SNX27: variants seen among roughly 807,000 people sequenced by gnomAD.
The protein encoded by SNX27 is sorting nexin-27.
Under a neutral mutation model 71.6 loss-of-function variants are expected in SNX27, and 22 were observed. The ratio of observed to expected loss-of-function variants is 0.31; its 90% CI spans 0.22 to 0.44. SNX27 has a LOEUF of 0.44. SNX27 is among the 20% of genes least tolerant of loss of function. The pLI, the probability that SNX27 is intolerant of heterozygous loss-of-function variation, is 1.00. For synonymous variants in SNX27, 269 were observed against 277.2 expected (o/e 0.97, Z 0.29); for missense variants, 531 against 698.6 (o/e 0.76, Z 2.70).
At chr1:151,641,722 TATATATCAGATAG>T (rs1009128231) in intron 2 of SNX27, among the ~76,000 whole-genome samples, 2 of 140,680 alleles carry the variant, frequency 1.4e-5, no homozygotes, top group Admixed American at 7.5e-5. Flanking sequence ...TAGCATATGA[TATATATCAGATAG>T]ATATATCAGA....
chr1:151,657,313 A>G (rs1455762427), intron 2 of SNX27, among the ~76,000 whole-genome samples: 4 of 152,118 alleles, frequency 2.6e-5, no homozygotes, highest in Non-Finnish European at 5.9e-5. Flanking sequence ...CTACAGGCGC[A>G]TGCCACCATG....
chr1:151,637,033 A>ACTCAGTCAAGACCAATTCTGGTAC (rs1668488263), intron 1 of SNX27, among the ~76,000 whole-genome samples: 1 of 152,116 alleles, frequency 6.6e-6, no homozygotes, highest in African/African-American at 2.4e-5. Context: ...AAGGTTAAAA[A>ACTCAGTCAAGACCAATTCTGGTAC]CTCAGTCAAG....
chr1:151,673,352 C>T (rs1670527709), intron 7 of SNX27, among the ~76,000 whole-genome samples: 1 of 151,944 alleles, frequency 6.6e-6, no homozygotes, highest in African/African-American at 2.4e-5. Flanking sequence ...TCACTATGGT[C>T]AGATACTTGA....
intron 5 of SNX27, among the ~76,000 whole-genome samples, chr1:151,663,152 ATTT>A (rs1280028273): frequency 1.4e-5 from 2 of 140,460 alleles, no homozygotes; most frequent in Non-Finnish European, 1.6e-5. Flanking sequence ...ATCACATTTG[ATTT>A]TTTTTTTTTT....
chr1:151,645,972 T>G, intron 2 of SNX27, among the ~76,000 whole-genome samples: 2 of 152,242 alleles, frequency 1.3e-5, no homozygotes, highest in East Asian at 3.8e-4. Context: ...TATGCACTAC[T>G]TGAAATGGAG....
At chr1:151,634,545 C>A (rs542663354) in intron 1 of SNX27, among the ~76,000 whole-genome samples, 6 of 152,308 alleles carry the variant, frequency 3.9e-5, no homozygotes, top group South Asian at 2.1e-4. Context: ...TTATTTGAAG[C>A]CACTCCCATT....
intron 1 of SNX27, among the ~76,000 whole-genome samples, chr1:151,637,710 G>A (rs1668532299): frequency 6.6e-6 from 1 of 152,162 alleles, no homozygotes; most frequent in African/African-American, 2.4e-5. Flanking sequence ...TCTCCTGACT[G>A]TTCTGTTTAT....
rs1005373695 is a variant in SNX27 at position 151,689,127 on chromosome 1, T to C, written c.1240-3308T>C. On this transcript the variant is annotated intron_variant, in intron 8 of 11. Transcript: ENST00000458013. ...TGATTCAGAGGGGACGGACAGGGCA[T>C]GTATTATGTGCCTGACTGGTCTAGG... Among the ~76,000 whole-genome samples, 11 of 152,308 alleles carry C rather than the reference T, an allele frequency of 7.2e-5. No homozygotes were observed. The South Asian group carries it at 2.1e-3, about 29-fold the overall frequency.
intron 8 of SNX27, among the ~76,000 whole-genome samples, chr1:151,688,764 T>C (rs1414055154): frequency 6.6e-6 from 1 of 151,836 alleles, no homozygotes; most frequent in Non-Finnish European, 1.5e-5. Context: ...GGGAGTTTGG[T>C]GTACAGATTA....
chr1:151,651,207 C>T (rs1158772006), intron 2 of SNX27, among the ~76,000 whole-genome samples: 6 of 150,210 alleles, frequency 4.0e-5, no homozygotes, highest in South Asian at 2.1e-4. Flanking sequence ...ACCTCCCGGG[C>T]GGGGCGGCTG....
At position 151,625,847 on chromosome 1, in the gene SNX27, C is replaced by T. The variant is rs1212374978; in HGVS notation, c.312-13041C>T. ...CCTGTAATCCCTGCTGCTCGGGAGG[C>T]TGAGGCAGGAGAATTGCTTGAGCCT... On this transcript the variant is annotated intron_variant, in intron 1 of 11. Coordinates refer to ENST00000458013, the MANE Select transcript of SNX27 (RefSeq NM_001330723.2). Among the ~76,000 whole-genome samples the T allele has an allele frequency of 2.0e-5, 3 of 150,384 alleles. No individual in the cohort carries two copies. In the East Asian group the frequency reaches 6.1e-4, roughly 31 times the overall value.
chr1:151,637,971 C>T (rs899215764), intron 1 of SNX27, among the ~76,000 whole-genome samples: 2 of 152,188 alleles, frequency 1.3e-5, no homozygotes, highest in Non-Finnish European at 2.9e-5. Context: ...GGCCTGCTGC[C>T]CAGTGGTTTT....
intron 1 of SNX27, among the ~76,000 whole-genome samples, chr1:151,618,205 C>T (rs1023131956): frequency 6.6e-6 from 1 of 151,992 alleles, no homozygotes; most frequent in Non-Finnish European, 1.5e-5. Flanking sequence ...AGTGGTTGAA[C>T]TTTGGTTCTA....
At chr1:151,657,225 G>A (rs78566198) in intron 2 of SNX27, among the ~76,000 whole-genome samples, 2,334 of 152,312 alleles carry the variant, frequency 0.015, 54 homozygotes, top group African/African-American at 0.052. Context: ...CCAGGCTGGA[G>A]TGTAGTGGCA....
intron 6 of SNX27, chr1:151,666,257 T>C (rs554234177): frequency 6.2e-6 from 2 of 321,852 alleles, no homozygotes; most frequent in South Asian, 3.0e-4. Flanking sequence ...GAGGTTCTTT[T>C]AAATCTGAGG....
chr1:151,644,170 G>A (rs944332382), intron 2 of SNX27, among the ~76,000 whole-genome samples: 1 of 152,212 alleles, frequency 6.6e-6, no homozygotes, highest in African/African-American at 2.4e-5. Flanking sequence ...TTTAGGATGT[G>A]ACCTTGATTT....
chr1:151,620,694 C>CTTTTT (rs35641892), intron 1 of SNX27, among the ~76,000 whole-genome samples: 1 of 143,734 alleles, frequency 7.0e-6, no homozygotes, highest in Non-Finnish European at 1.5e-5. Flanking sequence ...TTTGAAGATG[C>CTTTTT]TTTTTTTTTT....
chr1:151,638,830 A>G (rs1668588716), intron 1 of SNX27, 58 bp from the exon 2 acceptor site: 2 of 1,501,072 alleles, frequency 1.3e-6, no homozygotes, highest in African/African-American at 1.4e-5. Context: ...GGGTGGAGAT[A>G]CAAGGTGTTT....
chr1:151,628,121 C>G (rs947385784), intron 1 of SNX27, among the ~76,000 whole-genome samples: 2 of 151,712 alleles, frequency 1.3e-5, no homozygotes, highest in African/African-American at 4.8e-5. Flanking sequence ...ATTCTCCTGC[C>G]GCAGCCTCTT....
Sources: gnomAD v4.1 joint callset for allele counts (sites outside exome capture counted in the v4.1 genomes callset) on GRCh38, gnomAD v4.1.1 for gene constraint, MANE v1.5 for transcripts, NCBI Gene and HGNC (gene_info 2026-07-23, HGNC 2026-07-21) for gene names.